The following C10orf90 variants were observed in gnomAD, a reference collection of about 807,000 sequenced individuals.
C10orf90 encodes chromosome 10 open reading frame 90.
C10orf90 carries 56 observed loss-of-function variants against 62.5 expected under a neutral mutation model. The observed-to-expected ratio is 0.90, with a 90% CI of 0.72 to 1.12. The LOEUF is 1.12. C10orf90 is among the 50% of genes most tolerant of loss of function. C10orf90 has a pLI of 0.00. For synonymous variants in C10orf90, 386 were observed against 340.4 expected (o/e 1.13, Z -1.47); for missense variants, 970 against 880.4 (o/e 1.10, Z -1.29).
intron 2 of C10orf90, among the ~76,000 whole-genome samples, chr10:126,566,484 T>C (rs895061940): frequency 1.3e-5 from 2 of 152,100 alleles, no homozygotes; most frequent in African/African-American, 4.8e-5. Context: ...AGGGCTGCAA[T>C]GAGGGATACT....
rs184576038 is a variant in C10orf90, at chr10:126,653,211, C to A, written c.241-6574G>T. ...GTAGCAATTCCTTAAAATGAGACAA[C>A]AATGAAGTTTGCTGCATCAATTGAC... On this transcript the variant is annotated intron_variant, in intron 1 of 9. Coordinates refer to ENST00000488181, the MANE Select transcript of C10orf90 (RefSeq NM_001350921.2). Among the ~76,000 whole-genome samples, 988 of 152,302 alleles carry A rather than the reference C, an allele frequency of 6.5e-3. 3 individuals are homozygous for A. Among genetic ancestry groups the A allele is most frequent in the Non-Finnish European group, 0.011 (760 of 68,012 alleles).
At chr10:126,546,847 A>C (rs1864504031) in intron 2 of C10orf90, among the ~76,000 whole-genome samples, 1 of 152,204 alleles carries the variant, frequency 6.6e-6, no homozygotes, top group African/African-American at 2.4e-5. Flanking sequence ...CATCACCACC[A>C]GGTGCGGTGG....
At chr10:126,583,855 C>T (rs1354154025) in intron 2 of C10orf90, among the ~76,000 whole-genome samples, 2 of 152,150 alleles carry the variant, frequency 1.3e-5, no homozygotes, top group African/African-American at 4.8e-5. Context: ...GTGGCTTACA[C>T]CTATAATCCC....
intron 2 of C10orf90, among the ~76,000 whole-genome samples, chr10:126,518,490 G>A (rs1863561333): frequency 6.6e-6 from 1 of 151,994 alleles, no homozygotes; most frequent in South Asian, 2.1e-4. Flanking sequence ...TAGTCTGTGG[G>A]CATGGGAATC....
intron 2 of C10orf90, among the ~76,000 whole-genome samples, chr10:126,541,431 A>G (rs565506850): frequency 1.6e-4 from 24 of 152,332 alleles, no homozygotes; most frequent in African/African-American, 5.8e-4. Context: ...ATGGGAGAAA[A>G]TATTTGCAAA....
intron 2 of C10orf90, among the ~76,000 whole-genome samples, chr10:126,565,681 A>C (rs1482776963): frequency 6.6e-6 from 1 of 151,890 alleles, no homozygotes; most frequent in African/African-American, 2.4e-5. Flanking sequence ...TGGAAACAGA[A>C]AACAAAGGAT....
At chr10:126,621,626 G>C (rs1302377198) in intron 2 of C10orf90, among the ~76,000 whole-genome samples, 1 of 151,964 alleles carries the variant, frequency 6.6e-6, no homozygotes, top group Non-Finnish European at 1.5e-5. Context: ...TTATGATAAT[G>C]ATGACATATG....
chr10:126,562,723 G>A (rs1355387785), intron 2 of C10orf90, among the ~76,000 whole-genome samples: 1 of 152,190 alleles, frequency 6.6e-6, no homozygotes, highest in African/African-American at 2.4e-5. Context: ...GCTGCTAAGA[G>A]GCCTATAACC....
chr10:126,447,637 C>T (rs1474936414), intron 7 of C10orf90, among the ~76,000 whole-genome samples: 1 of 152,046 alleles, frequency 6.6e-6, no homozygotes, highest in Non-Finnish European at 1.5e-5. Context: ...TGAAGGAAAT[C>T]AACAAGAAAA....
chr10:126,532,225 CTCTA>C (rs1437059600), intron 2 of C10orf90, among the ~76,000 whole-genome samples: 5 of 152,172 alleles, frequency 3.3e-5, no homozygotes, highest in Non-Finnish European at 7.3e-5. Flanking sequence ...TGACCTGTGG[CTCTA>C]TCTGTGGATG....
At chr10:126,521,917 A>G (rs1248124618) in intron 2 of C10orf90, among the ~76,000 whole-genome samples, 1 of 152,258 alleles carries the variant, frequency 6.6e-6, no homozygotes, top group Non-Finnish European at 1.5e-5. Context: ...TGACTTTTAA[A>G]AAAAGCACAT....
chr10:126,528,102 A>C (rs1490519359), intron 2 of C10orf90, among the ~76,000 whole-genome samples: 1 of 152,196 alleles, frequency 6.6e-6, no homozygotes, highest in Non-Finnish European at 1.5e-5. Flanking sequence ...TAGCTTCACT[A>C]ATTACAGCTC....
At chr10:126,655,834 C>CAAAAAAAAAA (rs1195360598) in intron 1 of C10orf90, among the ~76,000 whole-genome samples, 23 of 126,416 alleles carry the variant, frequency 1.8e-4, no homozygotes, top group Admixed American at 2.5e-4. Context: ...CAAAACAAAA[C>CAAAAAAAAAA]AAAACAAAAA....
chr10:126,504,961 C>T lies in C10orf90; in HGVS notation c.530G>A (p.Arg177His), dbSNP rs1338780997. 6.2e-7 allele frequency: 1 copy of T among 1,614,046 alleles called. No homozygotes were observed. The highest frequency in any genetic ancestry group is 1.7e-5 in the Admixed American group (1 of 60,006). ...LPLPCAIAQS[R>H]AHHAKQSLAN... ...CAGAGATTGCTTGGCGTGATGTGCA[C>T]GAGACTGAGCAATGGCACACGGTAG... is the stretch of plus-strand genomic sequence containing the variant. Residue 177 changes from arginine (R) to histidine (H), a missense_variant, in exon 4 of 10, where the codon CGT becomes CAT. Arg to His is a conservative substitution (Grantham distance 29, BLOSUM62 0). Transcript: ENST00000488181. This position sits in a 1 kb window ranked among gnomAD's most constrained non-coding sequence, Gnocchi z 4.1.
At chr10:126,647,120 G>A (rs1289629195) in intron 1 of C10orf90, among the ~76,000 whole-genome samples, 5 of 152,176 alleles carry the variant, frequency 3.3e-5, no homozygotes, top group Non-Finnish European at 7.3e-5. Context: ...AGGTATGACT[G>A]TTTTGCTGAC....
rs543003357 is a variant in C10orf90, at chr10:126,648,753, G to C, written c.241-2116C>G. Among the ~76,000 whole-genome samples, 12 of 152,196 alleles carry C rather than the reference G, an allele frequency of 7.9e-5. No homozygotes were observed. The South Asian group carries it at 2.5e-3, about 32-fold the overall frequency. Reference sequence around the variant, plus strand: ...TGTCTTGGAGGTGGAGGGATGCAGAGAGAAACTGGCATAGTGGAAATTTTA... The same window carrying C: ...TGTCTTGGAGGTGGAGGGATGCAGACAGAAACTGGCATAGTGGAAATTTTA... On this transcript the variant is annotated intron_variant, in intron 1 of 9. Coordinates refer to ENST00000488181, the MANE Select transcript of C10orf90 (RefSeq NM_001350921.2).
At chr10:126,562,270 C>T (rs938335857) in intron 2 of C10orf90, among the ~76,000 whole-genome samples, 2 of 152,088 alleles carry the variant, frequency 1.3e-5, no homozygotes, top group African/African-American at 4.8e-5. Context: ...GCCTAGCCAC[C>T]CCCTGCCCTC....
intron 2 of C10orf90, among the ~76,000 whole-genome samples, chr10:126,593,679 G>T (rs747766612): frequency 2.0e-5 from 3 of 152,046 alleles, no homozygotes; most frequent in Non-Finnish European, 2.9e-5. Context: ...CTGCACATGT[G>T]CCCCAGAACT....
intron 4 of C10orf90, among the ~76,000 whole-genome samples, chr10:126,467,432 G>A (rs1433107661): frequency 4.6e-5 from 7 of 152,148 alleles, no homozygotes; most frequent in Admixed American, 4.6e-4. Context: ...CTCCACGTGC[G>A]AGTGGGACCG....
Sources: allele counts gnomAD v4.1 joint callset (sites outside exome capture counted in the v4.1 genomes callset), GRCh38; gene constraint gnomAD v4.1.1; non-coding constraint Gnocchi (gnomAD v3.1); transcripts MANE v1.5; gene names NCBI Gene and HGNC (gene_info 2026-07-23, HGNC 2026-07-21).